Variants in OPCML observed in about 807,000 individuals in gnomAD.
The protein encoded by OPCML is opioid binding protein/cell adhesion molecule like.
In OPCML, 13 loss-of-function variants were observed where a neutral mutation model predicts 37.8. The ratio of observed to expected loss-of-function variants is 0.34; its 90% CI spans 0.22 to 0.55. The LOEUF (loss-of-function observed/expected upper bound fraction) is 0.55. OPCML is among the 20% of genes least tolerant of loss of function. The probability of loss-of-function intolerance (pLI) is 0.91; values close to 1 mark genes in which losing one functional copy is unlikely to be tolerated. For missense variants in OPCML, 341 were observed against 435.6 expected, an observed-to-expected ratio of 0.78 and a Z score of 1.93; for synonymous variants, 176 against 168.8, an observed-to-expected ratio of 1.04 and a Z score of -0.33.
intron 1 of OPCML, among the ~76,000 whole-genome samples, chr11:132,962,984 G>A (rs1041563471): frequency 2.6e-5 from 4 of 152,228 alleles, no homozygotes; most frequent in Admixed American, 6.5e-5. Context: ...TGCTTGACAC[G>A]CATAGAGGAA....
intron 2 of OPCML, among the ~76,000 whole-genome samples, chr11:132,875,648 G>C (rs1942980622): frequency 6.6e-6 from 1 of 152,038 alleles, no homozygotes; most frequent in South Asian, 2.1e-4. Flanking sequence ...ATTTCTAGTA[G>C]AGACAGGGTT....
chr11:133,298,879 G>A (rs910570627), intron 1 of OPCML: 6 of 152,008 alleles, frequency 3.9e-5, no homozygotes, highest in South Asian at 2.1e-4. Flanking sequence ...CAAGATATGC[G>A]CTGGAGGTGC....
chr11:133,135,083 G>A (rs180864564), intron 1 of OPCML, among the ~76,000 whole-genome samples: 200 of 152,260 alleles, frequency 1.3e-3, no homozygotes, highest in African/African-American at 4.6e-3. Context: ...TGGAAAAACT[G>A]CTCTGAAAGG....
chr11:132,950,837 C>T (rs1034280312), intron 1 of OPCML, among the ~76,000 whole-genome samples: 8 of 152,178 alleles, frequency 5.3e-5, no homozygotes, highest in Middle Eastern at 3.2e-3. Context: ...GGTCACAACT[C>T]ATCTTTTGAG....
rs771826365 is a variant in OPCML, at chr11:132,943,086, C to T, written c.62-76G>A. Reference sequence around the variant, plus strand: ...CAGGGCAGGAACAGGTACCCACAGACCCCCATTCTCGACAGCCACAACTTC... The same window carrying T: ...CAGGGCAGGAACAGGTACCCACAGATCCCCATTCTCGACAGCCACAACTTC... On this transcript the variant is annotated intron_variant, in intron 1 of 7. Transcript: ENST00000524381. This position sits in a 1 kb window ranked among gnomAD's most constrained non-coding sequence, Gnocchi z 4.3. 2 of 1,614,106 alleles carry T rather than the reference C, an allele frequency of 1.2e-6. No homozygotes were observed. The highest frequency in any genetic ancestry group is 4.5e-5 in the East Asian group (2 of 44,844).
In OPCML at chr11:132,554,225, C is replaced by T. The variant is rs143504977; in HGVS notation, c.380-25039G>A. On this transcript the variant is annotated intron_variant, in intron 3 of 7. Coordinates refer to ENST00000524381, the MANE Select transcript of OPCML (RefSeq NM_001012393.5). ...CACCCCATGTCAGTCTGCTGTTCCA[C>T]AGCCATCAAACTGTGTTTATAAAGT... Among the ~76,000 whole-genome samples, 55 of 152,332 alleles carry T rather than the reference C, an allele frequency of 3.6e-4. No individual in the cohort carries two copies. In the South Asian group the frequency reaches 7.5e-3, roughly 21 times the overall value.
rs2096257827 is a variant in OPCML, at chr11:132,506,789, G to T, written c.505+22272C>A. On this transcript the variant is annotated intron_variant, in intron 4 of 7. Coordinates refer to ENST00000524381, the MANE Select transcript of OPCML (RefSeq NM_001012393.5). The stretch of plus-strand genomic sequence containing the variant: ...AATCAAAGAAAATTTGTTTCAAATA[G>T]CACAAGATACAAAACATGAAAGCTA... 4.0e-5 allele frequency among the ~76,000 whole-genome samples: 6 copies of T among 151,632 alleles called. 1 individual carries two copies. In the South Asian group the frequency reaches 1.2e-3, roughly 31 times the overall value.
chr11:132,577,715 A>T (rs1159445530), intron 3 of OPCML, among the ~76,000 whole-genome samples: 1 of 152,212 alleles, frequency 6.6e-6, no homozygotes, highest in Non-Finnish European at 1.5e-5. Flanking sequence ...TTCTTAGTAA[A>T]CACCACCTCT....
chr11:133,139,525 G>A (rs1351003836), intron 1 of OPCML, among the ~76,000 whole-genome samples: 1 of 152,124 alleles, frequency 6.6e-6, no homozygotes, highest in Non-Finnish European at 1.5e-5. Flanking sequence ...AAGCACTAAG[G>A]ATACATTTAT....
chr11:132,755,298 C>A (rs1368496969), intron 2 of OPCML, among the ~76,000 whole-genome samples: 1 of 152,050 alleles, frequency 6.6e-6, no homozygotes, highest in East Asian at 1.9e-4. Flanking sequence ...TTAATATATA[C>A]CTTTACAAAT....
chr11:133,207,681 C>T (rs61910359), intron 1 of OPCML, among the ~76,000 whole-genome samples: 14,755 of 152,210 alleles, frequency 0.097, 1,020 homozygotes, highest in African/African-American at 0.19. Flanking sequence ...GAGATTGCCA[C>T]TGGTGCCATA....
intron 3 of OPCML, among the ~76,000 whole-genome samples, chr11:132,613,760 G>A (rs891926059): frequency 6.6e-6 from 1 of 152,126 alleles, no homozygotes; most frequent in Non-Finnish European, 1.5e-5. Flanking sequence ...TATTATCAAG[G>A]CATGCAGAAT....
chr11:132,723,794 A>T (rs548609444), intron 2 of OPCML, among the ~76,000 whole-genome samples: 1 of 152,344 alleles, frequency 6.6e-6, no homozygotes, highest in East Asian at 1.9e-4. Context: ...TAAGGTGGAC[A>T]CAATTTATGA....
chr11:133,341,935 T>C (rs923874566), intron 1 of OPCML, among the ~76,000 whole-genome samples: 8 of 151,680 alleles, frequency 5.3e-5, no homozygotes, highest in African/African-American at 1.9e-4. Context: ...AAAAAAAGCC[T>C]TTGCAGCATT....
At chr11:132,937,358 A>G (rs1046245230) in intron 2 of OPCML, among the ~76,000 whole-genome samples, 1 of 152,178 alleles carries the variant, frequency 6.6e-6, no homozygotes, top group Non-Finnish European at 1.5e-5. Context: ...AGGTTAAACA[A>G]TTACCCAAAG....
chr11:132,530,660 C>G (rs144742634), intron 3 of OPCML, among the ~76,000 whole-genome samples: 1 of 152,146 alleles, frequency 6.6e-6, no homozygotes, highest in African/African-American at 2.4e-5. Flanking sequence ...TCCTCTAACA[C>G]AGCACATGGC....
At chr11:133,097,185 T>C (rs1263340865) in intron 1 of OPCML, among the ~76,000 whole-genome samples, 3 of 151,984 alleles carry the variant, frequency 2.0e-5, no homozygotes, top group Non-Finnish European at 4.4e-5. Context: ...AAGACAGAAA[T>C]TGCGCAATGT....
At chr11:133,474,140 T>C (rs950561652) in intron 1 of OPCML, among the ~76,000 whole-genome samples, 17 of 152,228 alleles carry the variant, frequency 1.1e-4, no homozygotes, top group Admixed American at 5.2e-4. Flanking sequence ...CTTGTTATCA[T>C]ACATAGTTAT....
intron 1 of OPCML, among the ~76,000 whole-genome samples, chr11:133,080,473 TG>T (rs1186603050): frequency 8.1e-5 from 9 of 111,184 alleles, no homozygotes; most frequent in African/African-American, 1.4e-4. Flanking sequence ...GGTAATCAAA[TG>T]TTTTTTTTTT....
Sources: allele counts gnomAD v4.1 joint callset (sites outside exome capture counted in the v4.1 genomes callset), GRCh38; gene constraint gnomAD v4.1.1; non-coding constraint Gnocchi (gnomAD v3.1); transcripts MANE v1.5; gene names NCBI Gene and HGNC (gene_info 2026-07-23, HGNC 2026-07-21).